The following MANSC4 variants were observed in gnomAD, a reference collection of about 807,000 sequenced individuals.
The protein encoded by MANSC4 is MANSC domain containing 4, also known as MANSC domain-containing protein 4.
A neutral mutation model predicts 11.4 loss-of-function variants in MANSC4; 11 were observed. That is an observed-to-expected ratio of 0.97 (90% CI 0.61 to 1.60). The LOEUF is 1.60. Ranked by LOEUF, MANSC4 falls within the 40% of genes most tolerant of loss-of-function variation. MANSC4 has a pLI of 0.00. For missense variants in MANSC4, 354 were observed against 404.6 expected (o/e 0.88, Z 1.07); for synonymous variants, 123 against 147.1 (o/e 0.84, Z 1.19).
intron 1 of MANSC4, among the ~76,000 whole-genome samples, chr12:27,776,515 C>T (rs964257557): frequency 2.0e-5 from 3 of 151,892 alleles, no homozygotes; most frequent in African/African-American, 4.8e-5. Context: ...GCATCACTTG[C>T]GCCCAGGAGT....
chr12:27,774,168 CAAA>C (rs1555110042), intron 1 of MANSC4, among the ~76,000 whole-genome samples: 19 of 79,442 alleles, frequency 2.4e-4, no homozygotes, highest in African/African-American at 7.2e-4. Flanking sequence ...AAAAACAAAA[CAAA>C]AAAAAAACCC....
intron 2 of MANSC4, 128 bp downstream of exon 2, chr12:27,770,920 C>T (rs961768787): frequency 1.5e-6 from 1 of 674,284 alleles, no homozygotes; most frequent in Non-Finnish European, 2.5e-6. Flanking sequence ...CCTCTCTCTC[C>T]CACACCCTAG....
At chr12:27,768,366 G>A (rs1359633275) in intron 2 of MANSC4, among the ~76,000 whole-genome samples, 1 of 136,458 alleles carries the variant, frequency 7.3e-6, no homozygotes, top group Non-Finnish European at 1.5e-5. Flanking sequence ...TCATGCCACT[G>A]CACTCCAGCC....
At chr12:27,775,633 C>A (rs901143421) in intron 1 of MANSC4, among the ~76,000 whole-genome samples, 4 of 152,148 alleles carry the variant, frequency 2.6e-5, no homozygotes, top group Non-Finnish European at 4.4e-5. Context: ...AAACTCCTGG[C>A]TTGTGCAATC....
intron 2 of MANSC4, among the ~76,000 whole-genome samples, 156 bp from the exon 3 acceptor site, chr12:27,766,955 T>G (rs1433918287): frequency 6.6e-6 from 1 of 152,228 alleles, no homozygotes; most frequent in Non-Finnish European, 1.5e-5. Flanking sequence ...TAAACTATTG[T>G]AACTGCTTCT....
At chr12:27,774,378 A>AT (rs1035684870) in intron 1 of MANSC4, among the ~76,000 whole-genome samples, 5 of 151,984 alleles carry the variant, frequency 3.3e-5, no homozygotes, top group Non-Finnish European at 7.4e-5. Flanking sequence ...AATAAAAATT[A>AT]TTTTTTAAAA....
chr12:27,767,684 C>T (rs1303011522), intron 2 of MANSC4, among the ~76,000 whole-genome samples: 2 of 151,906 alleles, frequency 1.3e-5, no homozygotes, highest in African/African-American at 2.4e-5. Context: ...GCAACAAGAG[C>T]GAAACTCCGT....
intron 1 of MANSC4, among the ~76,000 whole-genome samples, chr12:27,778,107 C>T (rs1280548363): frequency 1.3e-5 from 2 of 151,826 alleles, no homozygotes; most frequent in Non-Finnish European, 2.9e-5. Flanking sequence ...TGCCTGGAAT[C>T]CCAGCTACTC....
rs1301878350 is a variant in MANSC4 at position 27,763,203 on chromosome 12, T to G, written c.558A>C (p.Thr186=). Residue 186 remains threonine, a synonymous_variant, in exon 4 of 4, where the codon ACA becomes ACC. Transcript: ENST00000381273. The part of the protein sequence containing the change: ...STTHQDLVVN[T]NSTSYSKELT... ...ATTCCTTAGAATAACTGGTACTGTT[T>G]GTGTTTACAACCAAATCTTGATGCG... 1.3e-6 allele frequency: 2 copies of G among 1,551,720 alleles called. No homozygotes were observed. The highest frequency in any genetic ancestry group is 3.9e-5 in the Admixed American group (2 of 50,962).
At chr12:27,768,402 C>CAAAAAAAA (rs201953091) in intron 2 of MANSC4, among the ~76,000 whole-genome samples, 10 of 109,680 alleles carry the variant, frequency 9.1e-5, no homozygotes, top group Non-Finnish European at 1.4e-4. Flanking sequence ...GACTCTGTCT[C>CAAAAAAAA]AAAAAAAAAA....
chr12:27,778,349 G>T (rs961734177), intron 1 of MANSC4, among the ~76,000 whole-genome samples: 1 of 151,640 alleles, frequency 6.6e-6, no homozygotes. Context: ...GATAAATTTC[G>T]TAGTAAGAAC....
chr12:27,779,089 G>A (rs547875453), intron 1 of MANSC4, among the ~76,000 whole-genome samples: 117 of 152,248 alleles, frequency 7.7e-4, no homozygotes, highest in African/African-American at 2.6e-3. Flanking sequence ...TGGTGCTCTC[G>A]AACTCCTGAC....
intron 1 of MANSC4, chr12:27,779,847 G>A (rs2062135863): frequency 6.6e-6 from 1 of 151,638 alleles, no homozygotes; most frequent in Non-Finnish European, 1.5e-5. Flanking sequence ...CCGGGCGGGC[G>A]GAGAGGCTGC....
intron 1 of MANSC4, among the ~76,000 whole-genome samples, chr12:27,772,001 C>T (rs1272598731): frequency 6.6e-6 from 1 of 152,090 alleles, no homozygotes; most frequent in Admixed American, 6.5e-5. Context: ...TGAGATGACA[C>T]TACTGCACTC....
At chr12:27,765,330 G>C (rs935662545) in intron 3 of MANSC4, among the ~76,000 whole-genome samples, 1 of 152,124 alleles carries the variant, frequency 6.6e-6, no homozygotes, top group Non-Finnish European at 1.5e-5. Flanking sequence ...CCTGGACTAG[G>C]ACAAATAGAT....
At chr12:27,779,215 G>A (rs149253856) in intron 1 of MANSC4, among the ~76,000 whole-genome samples, 132 of 152,196 alleles carry the variant, frequency 8.7e-4, no homozygotes, top group South Asian at 3.7e-3. Flanking sequence ...ATGGGGGCAG[G>A]GTAGGTGGAG....
At chr12:27,776,582 T>TA (rs908562378) in intron 1 of MANSC4, among the ~76,000 whole-genome samples, 48 of 151,882 alleles carry the variant, frequency 3.2e-4, no homozygotes, top group Middle Eastern at 3.4e-3. Flanking sequence ...ATGTAAGAAT[T>TA]AACCGGGCAT....
In MANSC4 at chr12:27,777,842, T is replaced by A. The variant is rs143384023; in HGVS notation, c.-307+2368A>T. Among the ~76,000 whole-genome samples, 952 of 152,146 alleles carry A rather than the reference T, an allele frequency of 6.3e-3. 12 individuals are homozygous for A. Among genetic ancestry groups the A allele is most frequent in the South Asian group, 0.032 (154 of 4,812 alleles). On this transcript the variant is annotated intron_variant, in intron 1 of 3. Coordinates refer to ENST00000381273, the MANE Select transcript of MANSC4 (RefSeq NM_001146221.5). Reference sequence around the variant, plus strand: ...GCTTTGAGAGACCAAGGCAGCAGGATCACTTGGGGTGGCAGGATCCCTTGG... The same window carrying A: ...GCTTTGAGAGACCAAGGCAGCAGGAACACTTGGGGTGGCAGGATCCCTTGG...
rs920763654 is a variant in MANSC4, at chr12:27,778,080, C to A, written c.-307+2130G>T. ...GTCTCTACTAAAAATACAAAATTAG[C>A]CGGGTGTGGTGGCTCATGCCTGGAA... is the stretch of plus-strand genomic sequence containing the variant. On this transcript the variant is annotated intron_variant, in intron 1 of 3. Transcript: ENST00000381273. Among the ~76,000 whole-genome samples, 3 of 152,028 alleles carry A rather than the reference C, an allele frequency of 2.0e-5. No individual in the cohort carries two copies. The South Asian group carries it at 6.2e-4, about 32-fold the overall frequency.
Sources: allele counts gnomAD v4.1 joint callset (sites outside exome capture counted in the v4.1 genomes callset), GRCh38; gene constraint gnomAD v4.1.1; transcripts MANE v1.5; gene names NCBI Gene and HGNC (gene_info 2026-07-23, HGNC 2026-07-21).